The following TMEM242 variants were observed in gnomAD, a reference collection of about 807,000 sequenced individuals.
TMEM242 encodes the protein UPF0463 transmembrane protein C6orf35.
A neutral mutation model predicts 18.2 loss-of-function variants in TMEM242; 10 were observed. That is an observed-to-expected ratio of 0.55 (90% CI 0.34 to 0.93). TMEM242 has a LOEUF of 0.93. TMEM242 is among the 40% of genes least tolerant of loss of function. The pLI is 0.02. For synonymous variants in TMEM242, 57 were observed against 69.9 expected (o/e 0.81, Z 0.92); for missense variants, 186 against 175.5 (o/e 1.06, Z -0.34).
At chr6:157,302,721 A>G (rs1554247613) in intron 3 of TMEM242, among the ~76,000 whole-genome samples, 1 of 152,242 alleles carries the variant, frequency 6.6e-6, no homozygotes, top group East Asian at 1.9e-4. Context: ...ACAGCTCCCT[A>G]GTGACTTCCT....
chr6:157,312,249 T>C (rs797031893), intron 3 of TMEM242, among the ~76,000 whole-genome samples: 41 of 78,568 alleles, frequency 5.2e-4, no homozygotes, highest in South Asian at 1.4e-3. Flanking sequence ...CATCTAGCCT[T>C]ATCATAGTTT....
intron 3 of TMEM242, chr6:157,299,827 C>T (rs1235044400): frequency 1.2e-6 from 2 of 1,610,490 alleles, no homozygotes; most frequent in African/African-American, 2.7e-5. Flanking sequence ...GATCCATTGT[C>T]TCACCCTTCA....
In TMEM242 at chr6:157,304,462, C is replaced by CAA. The variant is rs782782714; in HGVS notation, c.328-11465_328-11464dup. 7.1e-3 allele frequency among the ~76,000 whole-genome samples: 480 copies of CAA among 67,188 alleles called. 33 individuals are homozygous for CAA. Among genetic ancestry groups the CAA allele is most frequent in the African/African-American group, 0.015 (278 of 18,082 alleles). 44.1% of individuals were successfully genotyped at this position (67,188 alleles called of 152,430 possible). On this transcript the variant is annotated intron_variant, in intron 3 of 3. Transcript: ENST00000400788. ...CCTGGGTGACAGAGTGAGACTCTGT[C>CAA]AAAAAAAAAAAAAAAAAAAAAAAAA...
At chr6:157,315,528 T>C (rs1361603147) in intron 3 of TMEM242, among the ~76,000 whole-genome samples, 1 of 152,166 alleles carries the variant, frequency 6.6e-6, no homozygotes, top group Non-Finnish European at 1.5e-5. Flanking sequence ...TACTTAGACA[T>C]AAAGATGTCA....
At chr6:157,322,256 G>A (rs368053332) in intron 2 of TMEM242, among the ~76,000 whole-genome samples, 13 of 152,148 alleles carry the variant, frequency 8.5e-5, no homozygotes, top group South Asian at 2.1e-4. Context: ...TCAGCCTCCC[G>A]AGTAGCTAGG....
intron 3 of TMEM242, chr6:157,318,225 ATTTG>A (rs1778439083): frequency 6.6e-6 from 1 of 152,524 alleles, no homozygotes; most frequent in Non-Finnish European, 1.5e-5. Flanking sequence ...GCTAATGTCA[ATTTG>A]TTTATTTATT....
chr6:157,294,153 A>G (rs1777719527), intron 3 of TMEM242, among the ~76,000 whole-genome samples: 2 of 152,144 alleles, frequency 1.3e-5, no homozygotes, highest in African/African-American at 4.8e-5. Context: ...ATTGGACAGT[A>G]CTAGTAACAC....
intron 3 of TMEM242, among the ~76,000 whole-genome samples, chr6:157,313,477 C>A (rs1778277358): frequency 6.6e-6 from 1 of 151,824 alleles, no homozygotes. Context: ...ATCATAGTGC[C>A]CCAGTGTGCA....
In TMEM242 at chr6:157,289,843, C is replaced by T. The variant is rs1777661543; in HGVS notation, c.*3058G>A. The T allele has an allele frequency of 6.6e-6, 1 of 152,238 alleles. No individual in the cohort carries two copies. The highest frequency in any genetic ancestry group is 2.4e-5 in the African/African-American group (1 of 41,460). 9.4% of individuals were successfully genotyped at this position (152,238 alleles called of 1,614,324 possible). On this transcript the variant is annotated 3_prime_UTR_variant, in exon 4 of 4. Coordinates refer to ENST00000400788, the MANE Select transcript of TMEM242 (RefSeq NM_018452.6). ...CTTTTGACTAAGCAGGCAAAGTGCCCTTAACGCCAGCCTGGGCCCATGCCC... is the reference window on the plus strand; with the variant it reads ...CTTTTGACTAAGCAGGCAAAGTGCCTTTAACGCCAGCCTGGGCCCATGCCC...
intron 3 of TMEM242, among the ~76,000 whole-genome samples, chr6:157,309,795 T>TTAAGTATTGTGACTTAAAG (rs587640769): frequency 0.025 from 3,788 of 152,328 alleles, 77 homozygotes; most frequent in Middle Eastern, 0.061. Flanking sequence ...CTTAAAGTAC[T>TTAAGTATTGTGACTTAAAG]TCACAATAAC....
chr6:157,300,003 G>T, intron 3 of TMEM242: 2 of 1,276,540 alleles, frequency 1.6e-6, no homozygotes, highest in South Asian at 1.2e-5. Flanking sequence ...CTCTTCACGG[G>T]GGTGAAGAGC....
At chr6:157,322,565 A>G in intron 2 of TMEM242, 140 bp downstream of exon 2, 1 of 602,142 alleles carries the variant, frequency 1.7e-6, no homozygotes, top group Non-Finnish European at 2.7e-6. Flanking sequence ...TAATTTGTAC[A>G]TTTCTAGAAT....
chr6:157,294,932 T>C (rs960831193), intron 3 of TMEM242, among the ~76,000 whole-genome samples: 1 of 152,214 alleles, frequency 6.6e-6, no homozygotes, highest in Non-Finnish European at 1.5e-5. Context: ...AATTACCTGC[T>C]TAAAGAGTTG....
At chr6:157,316,373 G>C (rs111268030) in intron 3 of TMEM242, among the ~76,000 whole-genome samples, 5,011 of 152,264 alleles carry the variant, frequency 0.033, 265 homozygotes, top group African/African-American at 0.11. Flanking sequence ...ATATCTGCTA[G>C]ATAGTTATTA....
intron 3 of TMEM242, among the ~76,000 whole-genome samples, chr6:157,312,359 C>CCCCAGTGTGCGCTCA (rs1778176969): frequency 1.3e-5 from 1 of 74,298 alleles, no homozygotes; most frequent in African/African-American, 5.3e-5. Flanking sequence ...CTCATCATGT[C>CCCCAGTGTGCGCTCA]CCAGTGTGCA....
At chr6:157,306,759 C>T (rs907711138) in intron 3 of TMEM242, among the ~76,000 whole-genome samples, 4 of 152,068 alleles carry the variant, frequency 2.6e-5, no homozygotes, top group Non-Finnish European at 5.9e-5. Context: ...AACAGCCAAA[C>T]TGGAATCGAG....
At chr6:157,311,002 C>CATAGTGTG (rs1562382444) in intron 3 of TMEM242, among the ~76,000 whole-genome samples, 736 of 1,728 alleles carry the variant, frequency 0.43, 283 homozygotes, top group African/African-American at 0.49. Context: ...ACCTAGCCTC[C>CATAGTGTG]CCAGTGTGCA....
At chr6:157,294,242 T>C (rs1275405069) in intron 3 of TMEM242, among the ~76,000 whole-genome samples, 2 of 152,152 alleles carry the variant, frequency 1.3e-5, no homozygotes, top group Admixed American at 6.5e-5. Context: ...TGCCTTCCAA[T>C]TTTTTCTCAT....
chr6:157,308,297 C>T (rs1777943090), intron 3 of TMEM242, among the ~76,000 whole-genome samples: 1 of 152,122 alleles, frequency 6.6e-6, no homozygotes, highest in African/African-American at 2.4e-5. Flanking sequence ...CTTAAATTAG[C>T]AAGGAGCCAA....
Sources: gnomAD v4.1 joint callset for allele counts (sites outside exome capture counted in the v4.1 genomes callset) on GRCh38, gnomAD v4.1.1 for gene constraint, MANE v1.5 for transcripts, NCBI Gene and HGNC (gene_info 2026-07-23, HGNC 2026-07-21) for gene names.